GAS2L3: variants seen among roughly 807,000 people sequenced by gnomAD.
The protein encoded by GAS2L3 is growth arrest specific 2 like 3.
A neutral mutation model predicts 37.0 loss-of-function variants in GAS2L3; 28 were observed. The ratio of observed to expected loss-of-function variants is 0.76; its 90% CI spans 0.56 to 1.04. GAS2L3 has a LOEUF of 1.04. Among genes scored for constraint, GAS2L3 ranks in the 50% least tolerant of loss-of-function variants. GAS2L3 has a pLI of 0.00. For missense variants in GAS2L3, 793 were observed against 817.6 expected, an observed-to-expected ratio of 0.97 and a Z score of 0.37; for synonymous variants, 290 against 296.6, an observed-to-expected ratio of 0.98 and a Z score of 0.23.
Position 100,618,441 on chromosome 12 carries a change from G to A in GAS2L3, c.510-8G>A. 6.3e-7 allele frequency: 1 copy of A among 1,598,916 alleles called. No homozygotes were observed. The highest frequency in any genetic ancestry group is 1.1e-5 in the South Asian group (1 of 88,068). ...CTTGAATGATCAGATCTCCTGGTTG[G>A]TTTTCAGATACGGGGTTGAGCCACC... On this transcript the variant is annotated splice_region_variant and splice_polypyrimidine_tract_variant and intron_variant, in intron 7 of 9. Coordinates refer to ENST00000547754, the MANE Select transcript of GAS2L3 (RefSeq NM_174942.3).
At chr12:100,616,740 T>C (rs1956192382) in intron 6 of GAS2L3, among the ~76,000 whole-genome samples, 1 of 152,220 alleles carries the variant, frequency 6.6e-6, no homozygotes, top group South Asian at 2.1e-4. Context: ...TGAGCCACCA[T>C]GTCTGGCCTA....
chr12:100,627,680 T>C lies in GAS2L3; in HGVS notation c.*2790T>C, dbSNP rs184313522. The C allele has an allele frequency of 1.5e-4, 23 of 152,218 alleles. No homozygotes were observed. Among genetic ancestry groups the C allele is most frequent in the African/African-American group, 5.5e-4 (23 of 41,462 alleles). The allele number at this position is 152,218 out of a possible 1,614,324, so 9.4% of individuals were successfully genotyped here. On this transcript the variant is annotated 3_prime_UTR_variant, in exon 10 of 10. Coordinates refer to ENST00000547754, the MANE Select transcript of GAS2L3 (RefSeq NM_174942.3). Reference sequence around the variant, plus strand: ...TAGTGTTTCTATTCATTTTCACAATTTAAAAACAGCTCTTAACATTGCTGA... The same window carrying C: ...TAGTGTTTCTATTCATTTTCACAATCTAAAAACAGCTCTTAACATTGCTGA...
intron 1 of GAS2L3, among the ~76,000 whole-genome samples, chr12:100,576,491 G>A (rs892639882): frequency 6.6e-6 from 1 of 152,130 alleles, no homozygotes; most frequent in Non-Finnish European, 1.5e-5. Flanking sequence ...AATGGACATA[G>A]AATGATATTA....
intron 5 of GAS2L3, among the ~76,000 whole-genome samples, chr12:100,606,424 G>A (rs986929177): frequency 6.6e-6 from 1 of 151,952 alleles, no homozygotes; most frequent in African/African-American, 2.4e-5. Flanking sequence ...AGATAATTGG[G>A]TCTTGCTTTT....
intron 8 of GAS2L3, among the ~76,000 whole-genome samples, chr12:100,619,626 A>ATG (rs969504519): frequency 1.1e-4 from 16 of 151,710 alleles, no homozygotes; most frequent in Middle Eastern, 3.2e-3. Flanking sequence ...TATGCTATTC[A>ATG]TGTGTGTGTG....
Position 100,573,685 on chromosome 12 carries a change from G to GGCGGCGGCGGCA in GAS2L3, c.-241_-230dup, listed in dbSNP as rs997770780. The GGCGGCGGCGGCA allele has an allele frequency of 6.3e-6, 1 of 157,932 alleles. No homozygotes were observed. The highest frequency in any genetic ancestry group is 6.5e-5 in the Admixed American group (1 of 15,336). 9.8% of individuals were successfully genotyped at this position (157,932 alleles called of 1,614,324 possible). Reference sequence around the variant, plus strand: ...CAGCGGCTACTGACCCTGAGGCCCAGGCGGCGGCGGCAGCGGCGGCGGTTG... The same window carrying GGCGGCGGCGGCA: ...CAGCGGCTACTGACCCTGAGGCCCAGGCGGCGGCGGCAGCGGCGGCGGCAGCGGCGGCGGTTG... On this transcript the variant is annotated 5_prime_UTR_variant, in exon 1 of 10. Transcript: ENST00000547754.
At chr12:100,602,267 A>G (rs17030339) in intron 5 of GAS2L3, among the ~76,000 whole-genome samples, 11,606 of 152,086 alleles carry the variant, frequency 0.076, 609 homozygotes, top group South Asian at 0.18. Context: ...TTGATTGGAT[A>G]AATAATACAT....
At chr12:100,586,581 G>A (rs1021020558) in intron 1 of GAS2L3, among the ~76,000 whole-genome samples, 5 of 152,070 alleles carry the variant, frequency 3.3e-5, no homozygotes, top group Admixed American at 6.6e-5. Flanking sequence ...CAGCAAAGGC[G>A]GTGCTAAGAG....
rs766327208 is a variant in GAS2L3, at chr12:100,623,790, C to A, written c.985C>A (p.Gln329Lys). The A allele has an allele frequency of 6.2e-7, 1 of 1,614,018 alleles. No individual in the cohort carries two copies. The highest frequency in any genetic ancestry group is 1.1e-5 in the South Asian group (1 of 91,068). ...GTCAGCAGTTAACATGTTTCAGAAA[C>A]AAAATTCAAAACCCAGCGTGCCAGT... ...PLSAVNMFQK[Q>K]NSKPSVPVSI... is the part of the protein sequence containing the mutation. The change falls in exon 10 of 10, where the codon CAA (glutamine) becomes AAA (lysine). Residue 329 changes from glutamine to lysine, a missense_variant. By Grantham distance (53) the Gln-to-Lys change is moderately conservative (BLOSUM62 1). Transcript: ENST00000547754.
chr12:100,589,869 C>CACGT (rs1464851223), intron 1 of GAS2L3, among the ~76,000 whole-genome samples: 11 of 152,014 alleles, frequency 7.2e-5, no homozygotes, highest in Admixed American at 7.2e-4. Flanking sequence ...ATTGGCTAGC[C>CACGT]ACGTGTAGGA....
At chr12:100,601,785 G>T (rs778245161) in intron 5 of GAS2L3, 32 bp downstream of exon 5, 5 of 1,122,396 alleles carry the variant, frequency 4.5e-6, no homozygotes, top group Non-Finnish European at 6.6e-6. Flanking sequence ...TTGATTTTAT[G>T]TCTTGGTACA....
chr12:100,578,179 C>T, intron 1 of GAS2L3, among the ~76,000 whole-genome samples: 1 of 152,106 alleles, frequency 6.6e-6, no homozygotes, highest in East Asian at 1.9e-4. Flanking sequence ...AGAGGAGTGG[C>T]TGTAGGTATT....
intron 1 of GAS2L3, among the ~76,000 whole-genome samples, chr12:100,585,043 C>T (rs1217587390): frequency 4.7e-5 from 7 of 147,538 alleles, no homozygotes; most frequent in African/African-American, 1.5e-4. Flanking sequence ...CACCCGCCAC[C>T]ACACCTGGCT....
intron 5 of GAS2L3, among the ~76,000 whole-genome samples, chr12:100,605,938 G>A (rs1956051184): frequency 6.6e-6 from 1 of 151,652 alleles, no homozygotes; most frequent in Non-Finnish European, 1.5e-5. Flanking sequence ...GCTTGAGAAT[G>A]ATCCATCTGC....
At chr12:100,593,958 T>A (rs1955878401) in intron 2 of GAS2L3, 1 of 152,086 alleles carries the variant, frequency 6.6e-6, no homozygotes, top group Non-Finnish European at 1.5e-5. Context: ...GAAGAAATGT[T>A]CCTGAAAGGA....
intron 1 of GAS2L3, among the ~76,000 whole-genome samples, chr12:100,577,461 C>T (rs1955651518): frequency 6.6e-6 from 1 of 152,080 alleles, no homozygotes; most frequent in African/African-American, 2.4e-5. Context: ...GGGTCTCTGC[C>T]AAACATTTCA....
At chr12:100,590,896 A>C (rs529274656) in intron 1 of GAS2L3, among the ~76,000 whole-genome samples, 6 of 151,910 alleles carry the variant, frequency 3.9e-5, no homozygotes, top group Non-Finnish European at 4.4e-5. Context: ...ACACAAATGC[A>C]TAAGAATGAT....
chr12:100,611,176 A>C (rs1208420042), intron 5 of GAS2L3: 1 of 152,066 alleles, frequency 6.6e-6, no homozygotes, highest in African/African-American at 2.4e-5. Context: ...TATTTTGTAG[A>C]GATGAGGTCA....
intron 1 of GAS2L3, among the ~76,000 whole-genome samples, chr12:100,587,535 C>G (rs1160761403): frequency 1.3e-5 from 2 of 152,116 alleles, no homozygotes; most frequent in Non-Finnish European, 2.9e-5. Context: ...ATCCAGCATC[C>G]CTTTCTGATT....
Sources: allele counts gnomAD v4.1 joint callset (sites outside exome capture counted in the v4.1 genomes callset), GRCh38; gene constraint gnomAD v4.1.1; transcripts MANE v1.5; gene names NCBI Gene and HGNC (gene_info 2026-07-23, HGNC 2026-07-21).